PCDHGB1: variants seen among roughly 807,000 people sequenced by gnomAD.
PCDHGB1 encodes the protein protocadherin gamma-B1.
A neutral mutation model predicts 56.6 loss-of-function variants in PCDHGB1; 34 were observed. That is an observed-to-expected ratio of 0.60 (90% CI 0.46 to 0.80). The LOEUF (loss-of-function observed/expected upper bound fraction) is 0.80. PCDHGB1 is among the 30% of genes least tolerant of loss of function. The probability of loss-of-function intolerance (pLI) is 0.00; values close to 1 mark genes in which losing one functional copy is unlikely to be tolerated. For missense variants in PCDHGB1, 1,278 were observed against 1,204.6 expected (o/e 1.06, Z -0.90); for synonymous variants, 561 against 505.9 (o/e 1.11, Z -1.46).
At chr5:141,353,567 T>C (rs903187033) in intron 1 of PCDHGB1, among the ~76,000 whole-genome samples, 1 of 152,246 alleles carries the variant, frequency 6.6e-6, no homozygotes, top group East Asian at 1.9e-4. Flanking sequence ...TCCCACTCTA[T>C]AATTTCAGTC....
chr5:141,423,364 C>G (rs1299667864), intron 1 of PCDHGB1: 2 of 1,614,102 alleles, frequency 1.2e-6, no homozygotes, highest in East Asian at 4.5e-5. Flanking sequence ...CATCGTGCTG[C>G]TGGCACTCAG....
At chr5:141,407,385 T>A (rs1306044111) in intron 1 of PCDHGB1, among the ~76,000 whole-genome samples, 1 of 152,228 alleles carries the variant, frequency 6.6e-6, no homozygotes, top group South Asian at 2.1e-4. Flanking sequence ...GGCTTGTATG[T>A]CATGGTAGGT....
intron 1 of PCDHGB1, chr5:141,356,863 C>T: frequency 6.2e-7 from 1 of 1,614,220 alleles, no homozygotes; most frequent in Non-Finnish European, 8.5e-7. Context: ...TGTGCTGGAC[C>T]AGAACGACAA....
intron 1 of PCDHGB1, chr5:141,375,764 G>C (rs746447899): frequency 1.9e-6 from 3 of 1,614,234 alleles, no homozygotes; most frequent in Non-Finnish European, 1.7e-6. Flanking sequence ...CAATGCGCCC[G>C]AGATCCTGTA....
chr5:141,397,273 T>C (rs1324330524), intron 1 of PCDHGB1, among the ~76,000 whole-genome samples: 5 of 152,184 alleles, frequency 3.3e-5, no homozygotes, highest in Non-Finnish European at 1.5e-5. Flanking sequence ...CTACATCATA[T>C]GGGCAGTATA....
In PCDHGB1 at chr5:141,428,146, C is replaced by G. The variant is rs549173211; in HGVS notation, c.2410-66661C>G. The G allele has an allele frequency of 1.3e-5, 21 of 1,589,348 alleles. No individual in the cohort carries two copies. The East Asian group carries it at 4.0e-4, about 30-fold the overall frequency. Reference sequence around the variant, plus strand: ...GGGCTTTTCAGCCTGGGGCTGCACACGGGAACCTGCTGGTTGCTGTGCGTG... The same window carrying G: ...GGGCTTTTCAGCCTGGGGCTGCACAGGGGAACCTGCTGGTTGCTGTGCGTG... On this transcript the variant is annotated intron_variant, in intron 1 of 3. Transcript: ENST00000523390.
chr5:141,351,573 T>A lies in PCDHGB1; in HGVS notation c.1313T>A (p.Ile438Asn). The stretch of plus-strand genomic sequence containing the variant: ...TCCAGGACAAGCATCACCCTGCACA[T>A]CTCCGACATCAACGACAATGCACCT... ...LSSRTSITLH[I>N]SDINDNAPVF... The change falls in exon 1 of 4, where the codon ATC (isoleucine) becomes AAC (asparagine). Residue 438 changes from isoleucine to asparagine, a missense_variant. By Grantham distance (149) the Ile-to-Asn change is moderately radical. Transcript: ENST00000523390. The A allele has an allele frequency of 6.2e-7, 1 of 1,613,942 alleles. No homozygotes were observed. The highest frequency in any genetic ancestry group is 1.7e-5 in the Admixed American group (1 of 60,020).
intron 1 of PCDHGB1, among the ~76,000 whole-genome samples, chr5:141,358,682 T>A (rs770893942): frequency 6.6e-6 from 1 of 152,214 alleles, no homozygotes. Flanking sequence ...AAATTGCTTA[T>A]CATGACATCA....
Position 141,486,178 on chromosome 5 carries a change from C to T in PCDHGB1, c.2410-8629C>T, listed in dbSNP as rs767840363. The T allele has an allele frequency of 1.1e-5, 17 of 1,614,076 alleles. No homozygotes were observed. The highest frequency in any genetic ancestry group is 1.4e-5 in the Non-Finnish European group (16 of 1,180,038). ...CTCCAGCCATGGAGCAACATTGCAG[C>T]CTTCGAGTGGATCTGCTGGACGTAA... On this transcript the variant is annotated intron_variant, in intron 1 of 3. Coordinates refer to ENST00000523390, the MANE Select transcript of PCDHGB1 (RefSeq NM_018922.3). The surrounding 1 kb of genome is among the most constrained non-coding windows in gnomAD (Gnocchi z 5.0).
chr5:141,487,824 C>A lies in PCDHGB1; in HGVS notation c.2410-6983C>A. The stretch of plus-strand genomic sequence containing the variant: ...TCACAGTTTAGCATTGGGGGCGGGT[C>A]ATGCCTATATCTGAGTAAGAAATGA... On this transcript the variant is annotated intron_variant, in intron 1 of 3. Coordinates refer to ENST00000523390, the MANE Select transcript of PCDHGB1 (RefSeq NM_018922.3). This position sits in a 1 kb window ranked among gnomAD's most constrained non-coding sequence, Gnocchi z 5.0. 2 of 1,247,252 alleles carry A rather than the reference C, an allele frequency of 1.6e-6. No individual in the cohort carries two copies. The highest frequency in any genetic ancestry group is 2.9e-5 in the South Asian group (2 of 68,154). The allele number at this position is 1,247,252 out of a possible 1,614,324, so 77.3% of individuals were successfully genotyped here. A position where few individuals can be genotyped will look rare whatever the true frequency, so the allele number is the denominator to read the frequency against.
At chr5:141,400,500 C>T (rs1025270322) in intron 1 of PCDHGB1, 1 of 1,613,922 alleles carries the variant, frequency 6.2e-7, no homozygotes, top group Non-Finnish European at 8.5e-7. Flanking sequence ...GTAATTCCAG[C>T]GAGTCGACTT....
chr5:141,384,221 A>G, intron 1 of PCDHGB1: 1 of 1,613,936 alleles, frequency 6.2e-7, no homozygotes, highest in Non-Finnish European at 8.5e-7. Flanking sequence ...ATATTCATGC[A>G]GGTGGCAGAC....
At chr5:141,436,384 CT>C (rs768914860) in intron 1 of PCDHGB1, among the ~76,000 whole-genome samples, 1 of 152,104 alleles carries the variant, frequency 6.6e-6, no homozygotes, top group Non-Finnish European at 1.5e-5. Context: ...GCTGAATAGG[CT>C]TTATTAAATA....
chr5:141,403,832 C>T (rs374600582), intron 1 of PCDHGB1: 1 of 1,613,684 alleles, frequency 6.2e-7, no homozygotes, highest in Non-Finnish European at 8.5e-7. Context: ...GCTATTCCAG[C>T]TTAATGAAAA....
intron 1 of PCDHGB1, chr5:141,417,858 C>T (rs561149517): frequency 6.5e-7 from 1 of 1,547,240 alleles, no homozygotes. Flanking sequence ...CCCGAGCGAA[C>T]GATGGGAGGG....
At chr5:141,474,156 A>T (rs1387216017) in intron 1 of PCDHGB1, among the ~76,000 whole-genome samples, 1 of 152,244 alleles carries the variant, frequency 6.6e-6, no homozygotes, top group Non-Finnish European at 1.5e-5. Context: ...CAAGAAAATG[A>T]CAGGCCTTAT....
chr5:141,351,037 G>A lies in PCDHGB1; in HGVS notation c.777G>A (p.Leu259=), dbSNP rs1370361683. The A allele has an allele frequency of 1.2e-6, 2 of 1,613,906 alleles. No individual in the cohort carries two copies. Among genetic ancestry groups the A allele is most frequent in the East Asian group, 4.5e-5 (2 of 44,906 alleles). Residue 259 remains leucine (L), a synonymous_variant, in exon 1 of 4, where the codon CTG becomes CTA. Coordinates refer to ENST00000523390, the MANE Select transcript of PCDHGB1 (RefSeq NM_018922.3). ...QENVPWGTSV[L]RVMATDQDEG... Reference sequence around the variant, plus strand: ...ACGTACCGTGGGGAACCTCCGTGCTGCGGGTGATGGCCACAGACCAGGATG... The same window carrying A: ...ACGTACCGTGGGGAACCTCCGTGCTACGGGTGATGGCCACAGACCAGGATG...
chr5:141,468,549 C>T (rs1289802190), intron 1 of PCDHGB1: 2 of 151,940 alleles, frequency 1.3e-5, no homozygotes, highest in Non-Finnish European at 2.9e-5. Flanking sequence ...ACATATTTAA[C>T]ATTTGTGATA....
chr5:141,439,162 C>T (rs1422780686), intron 1 of PCDHGB1, among the ~76,000 whole-genome samples: 1 of 149,498 alleles, frequency 6.7e-6, no homozygotes, highest in Non-Finnish European at 1.5e-5. Flanking sequence ...CACTGCACTC[C>T]AGCCTGGGCG....
Sources: gnomAD v4.1 joint callset for allele counts (sites outside exome capture counted in the v4.1 genomes callset) on GRCh38, gnomAD v4.1.1 for gene constraint, Gnocchi (gnomAD v3.1) non-coding constraint, MANE v1.5 for transcripts, NCBI Gene and HGNC (gene_info 2026-07-23, HGNC 2026-07-21) for gene names.